The following NEDD9 variants were observed in gnomAD, a reference collection of about 807,000 sequenced individuals.
NEDD9 encodes the protein enhancer of filamentation 1.
In NEDD9, 26 loss-of-function variants were observed where a neutral mutation model predicts 76.6. The observed-to-expected ratio is 0.34, with a 90% CI of 0.25 to 0.47. The LOEUF (loss-of-function observed/expected upper bound fraction) is 0.47. Ranked by LOEUF, NEDD9 falls within the 20% of genes least tolerant of loss-of-function variation. The probability of loss-of-function intolerance (pLI) is 1.00; values close to 1 mark genes in which losing one functional copy is unlikely to be tolerated. For synonymous variants in NEDD9, 392 were observed against 414.2 expected (o/e 0.95, Z 0.65); for missense variants, 937 against 1,058.5 (o/e 0.89, Z 1.59).
chr6:11,240,585 CTG>C (rs1471482492), intron 3 of NEDD9, among the ~76,000 whole-genome samples: 1 of 152,206 alleles, frequency 6.6e-6, no homozygotes, highest in Admixed American at 6.5e-5. Flanking sequence ...GTTTAAAAAA[CTG>C]TGCGATTGTG....
intron 2 of NEDD9, among the ~76,000 whole-genome samples, chr6:11,311,473 C>A (rs1761364317): frequency 6.6e-6 from 1 of 152,178 alleles, no homozygotes; most frequent in Admixed American, 6.5e-5. Flanking sequence ...TTAAGCCCTG[C>A]AGTCTGTGGT....
rs75058358 is a variant in NEDD9 at position 11,232,019 on chromosome 6, A to T, written c.12+485T>A. On this transcript the variant is annotated intron_variant, in intron 1 of 6. Coordinates refer to ENST00000379446, the MANE Select transcript of NEDD9 (RefSeq NM_006403.4). ...TTTTAATTTCTCCCACCAAAAGTGC[A>T]TATGGCATACTCCTTCCGAGACCAA... is the stretch of plus-strand genomic sequence containing the variant. Among the ~76,000 whole-genome samples the T allele has an allele frequency of 4.4e-4, 67 of 152,328 alleles. No homozygotes were observed. In the South Asian group the frequency reaches 0.013, roughly 30 times the overall value.
intron 2 of NEDD9, among the ~76,000 whole-genome samples, chr6:11,329,415 G>A (rs1226751203): frequency 6.6e-6 from 1 of 152,168 alleles, no homozygotes; most frequent in Non-Finnish European, 1.5e-5. Context: ...TGTCCCCCAG[G>A]ACCTTTCTCT....
At chr6:11,192,520 T>A in intron 3 of NEDD9, 74 bp from the exon 4 acceptor site, 1 of 1,012,948 alleles carries the variant, frequency 9.9e-7, no homozygotes, top group Non-Finnish European at 1.5e-6. Context: ...CCTAAGCACT[T>A]AATTATGGAT....
Position 11,213,864 on chromosome 6 carries a change from G to T in NEDD9, c.13-137C>A. 1.3e-6 allele frequency: 1 copy of T among 744,720 alleles called. No homozygotes were observed. The highest frequency in any genetic ancestry group is 2.2e-6 in the Non-Finnish European group (1 of 463,864). 46.1% of individuals were successfully genotyped at this position (744,720 alleles called of 1,614,324 possible). A position where few individuals can be genotyped will look rare whatever the true frequency, so the allele number is the denominator to read the frequency against. ...AAATCTGAACAATAGACTGTAAGGA[G>T]AAAAACAGATGGTGCAGACAAAAGA... On this transcript the variant is annotated intron_variant, in intron 1 of 6. Transcript: ENST00000379446. This position sits in a 1 kb window ranked among gnomAD's most constrained non-coding sequence, Gnocchi z 5.4.
At chr6:11,195,728 C>T (rs541032773) in intron 2 of NEDD9, among the ~76,000 whole-genome samples, 1 of 152,370 alleles carries the variant, frequency 6.6e-6, no homozygotes, top group Non-Finnish European at 1.5e-5. Context: ...GGCGCAGTGG[C>T]TCATGCCTGT....
intron 1 of NEDD9, among the ~76,000 whole-genome samples, chr6:11,334,878 A>G (rs1033382095): frequency 6.6e-6 from 1 of 152,244 alleles, no homozygotes; most frequent in Admixed American, 6.5e-5. Flanking sequence ...TAACAAATGT[A>G]CAGTGCAGTG....
chr6:11,240,034 C>T (rs1413426436), intron 3 of NEDD9, among the ~76,000 whole-genome samples: 4 of 122,604 alleles, frequency 3.3e-5, no homozygotes, highest in South Asian at 5.7e-4. Context: ...CAGAGCGAGA[C>T]TTCATCTCAA....
chr6:11,188,961 T>C (rs1758053393), intron 5 of NEDD9, among the ~76,000 whole-genome samples: 1 of 151,754 alleles, frequency 6.6e-6, no homozygotes, highest in South Asian at 2.1e-4. Flanking sequence ...TTTTTTTTTT[T>C]TCTGAGACAG....
chr6:11,328,527 A>G (rs1295359273), intron 2 of NEDD9: 1 of 152,218 alleles, frequency 6.6e-6, no homozygotes, highest in Non-Finnish European at 1.5e-5. Flanking sequence ...GCCTAACAAT[A>G]TATTAAGTGT....
intron 2 of NEDD9, among the ~76,000 whole-genome samples, chr6:11,315,379 T>G (rs1017468628): frequency 6.6e-6 from 1 of 152,248 alleles, no homozygotes; most frequent in African/African-American, 2.4e-5. Context: ...AAAGACTGTG[T>G]TCTTCAGCCC....
rs766874925 is a variant in NEDD9, at chr6:11,213,164, G to A, written c.459+117C>T. On this transcript the variant is annotated intron_variant, in intron 2 of 6. Coordinates refer to ENST00000379446, the MANE Select transcript of NEDD9 (RefSeq NM_006403.4). The surrounding 1 kb of genome is among the most constrained non-coding windows in gnomAD (Gnocchi z 5.4). ...ACATGATGCCTGAGCTAAGGTATTGGTTATATCTACTTCTTGGCAGCTTCA... is the reference window on the plus strand; with the variant it reads ...ACATGATGCCTGAGCTAAGGTATTGATTATATCTACTTCTTGGCAGCTTCA... 1.3e-4 allele frequency: 121 copies of A among 955,900 alleles called. No individual in the cohort carries two copies. The highest frequency in any genetic ancestry group is 1.7e-4 in the Non-Finnish European group (111 of 647,692). The allele number at this position is 955,900 out of a possible 1,614,324, so 59.2% of individuals were successfully genotyped here.
chr6:11,200,612 A>C (rs1390573502), intron 2 of NEDD9: 13 of 1,101,576 alleles, frequency 1.2e-5, no homozygotes, highest in Non-Finnish European at 1.4e-5. Context: ...GGGAGAAATG[A>C]AGATTTAATC....
At chr6:11,254,182 A>C (rs1331158833) in intron 3 of NEDD9, among the ~76,000 whole-genome samples, 1 of 152,060 alleles carries the variant, frequency 6.6e-6, no homozygotes, top group Non-Finnish European at 1.5e-5. Context: ...GTACAGTGGC[A>C]TGATCTCAGC....
At chr6:11,359,962 G>T (rs918286330) in intron 1 of NEDD9, among the ~76,000 whole-genome samples, 1 of 152,224 alleles carries the variant, frequency 6.6e-6, no homozygotes, top group Non-Finnish European at 1.5e-5. Context: ...ATAATCTTCT[G>T]AAATTTCTGC....
At chr6:11,354,234 TG>T (rs1262456206) in intron 1 of NEDD9, among the ~76,000 whole-genome samples, 1 of 152,178 alleles carries the variant, frequency 6.6e-6, no homozygotes, top group Non-Finnish European at 1.5e-5. Context: ...CAGGACGCAT[TG>T]AAGAAAGTAC....
chr6:11,353,952 G>T (rs913525740), intron 1 of NEDD9, among the ~76,000 whole-genome samples: 6 of 152,198 alleles, frequency 3.9e-5, no homozygotes, highest in Admixed American at 2.0e-4. Flanking sequence ...TAATTCAACG[G>T]TCTTGGGGGA....
rs750365320 is a variant in NEDD9 at position 11,198,006 on chromosome 6, C to G, written c.460-4314G>C. On this transcript the variant is annotated intron_variant, in intron 2 of 6. Transcript: ENST00000379446. This position sits in a 1 kb window ranked among gnomAD's most constrained non-coding sequence, Gnocchi z 4.7. ...CCCTGAGCTGGTACCCATAGCAGAG[C>G]AAGGGTCCTATACTCAGATGCTCAC... is the stretch of plus-strand genomic sequence containing the variant. 2.0e-5 allele frequency among the ~76,000 whole-genome samples: 3 copies of G among 152,042 alleles called. No homozygotes were observed. The highest frequency in any genetic ancestry group is 4.4e-5 in the Non-Finnish European group (3 of 68,022).
chr6:11,316,408 G>A (rs922650483), intron 2 of NEDD9, among the ~76,000 whole-genome samples: 2 of 152,114 alleles, frequency 1.3e-5, no homozygotes, highest in Admixed American at 6.5e-5. Flanking sequence ...ACGTCTGATC[G>A]TCTCATGGGT....
Sources: allele counts gnomAD v4.1 joint callset (sites outside exome capture counted in the v4.1 genomes callset), GRCh38; gene constraint gnomAD v4.1.1; non-coding constraint Gnocchi (gnomAD v3.1); transcripts MANE v1.5; gene names NCBI Gene and HGNC (gene_info 2026-07-23, HGNC 2026-07-21).